Variants in PHF24 observed in about 807,000 individuals in gnomAD.
The protein encoded by PHF24 is PHD finger protein 24.
Under a neutral mutation model 42.6 loss-of-function variants are expected in PHF24, and 25 were observed. That is an observed-to-expected ratio of 0.59 (90% CI 0.43 to 0.82). PHF24 has a LOEUF of 0.82. Among genes scored for constraint, PHF24 ranks in the 40% least tolerant of loss-of-function variants. The pLI, the probability that PHF24 is intolerant of heterozygous loss-of-function variation, is 0.00. For synonymous variants in PHF24, 185 were observed against 204.8 expected (o/e 0.90, Z 0.83); for missense variants, 470 against 538.1 (o/e 0.87, Z 1.25).
chr9:34,706,742 A>G, the PHF24 span, among the ~76,000 whole-genome samples: 7 of 152,158 alleles, frequency 4.6e-5, no homozygotes, highest in African/African-American at 9.7e-5. Flanking sequence ...TCTTTTCACT[A>G]TAGAGTAGGC....
At chr9:34,866,002 C>A in the PHF24 span, among the ~76,000 whole-genome samples, 1 of 152,286 alleles carries the variant, frequency 6.6e-6, no homozygotes, top group South Asian at 2.1e-4. Context: ...GATGACACAC[C>A]TCAGTGTTGC....
the PHF24 span, among the ~76,000 whole-genome samples, chr9:34,919,844 G>T: frequency 6.6e-6 from 1 of 152,068 alleles, no homozygotes; most frequent in Non-Finnish European, 1.5e-5. Context: ...TTAACATAAT[G>T]TCCTCCAGTC....
the PHF24 span, among the ~76,000 whole-genome samples, chr9:34,750,491 AAAATAAATAAATAAAT>A: frequency 1.3e-3 from 179 of 142,216 alleles, 1 homozygote; most frequent in South Asian, 5.8e-3. Flanking sequence ...CTCTATCTCA[AAAATAAATAAATAAAT>A]AAATAAATAA....
the PHF24 span, among the ~76,000 whole-genome samples, chr9:34,740,246 C>T: frequency 6.6e-6 from 1 of 152,228 alleles, no homozygotes; most frequent in South Asian, 2.1e-4. Flanking sequence ...CACTCCTCAG[C>T]CCTTGGGTGG....
the PHF24 span, among the ~76,000 whole-genome samples, chr9:34,913,428 T>A: frequency 6.6e-6 from 1 of 152,176 alleles, no homozygotes; most frequent in Non-Finnish European, 1.5e-5. Context: ...CCTGGAAAAT[T>A]CAACTTAACT....
At chr9:34,905,729 T>C in the PHF24 span, among the ~76,000 whole-genome samples, 1 of 152,228 alleles carries the variant, frequency 6.6e-6, no homozygotes, top group African/African-American at 2.4e-5. Flanking sequence ...CATAAACTGC[T>C]GGTGTCTCTG....
the PHF24 span, among the ~76,000 whole-genome samples, chr9:34,915,401 G>T: frequency 6.8e-6 from 1 of 146,046 alleles, no homozygotes; most frequent in Non-Finnish European, 1.5e-5. Context: ...ATGTTGGCAG[G>T]TTGGCCTTTT....
chr9:34,829,883 CTGACTT>C, the PHF24 span, among the ~76,000 whole-genome samples: 1 of 152,164 alleles, frequency 6.6e-6, no homozygotes, highest in East Asian at 1.9e-4. Context: ...ATAACGTTCC[CTGACTT>C]TGGAAATCAG....
chr9:34,667,269 C>T, the PHF24 span, among the ~76,000 whole-genome samples: 2 of 152,154 alleles, frequency 1.3e-5, no homozygotes, highest in Non-Finnish European at 2.9e-5. Flanking sequence ...AAAGTTTCCT[C>T]TGGTTGAAAT....
At chr9:34,676,464 A>G in the PHF24 span, among the ~76,000 whole-genome samples, 1 of 152,162 alleles carries the variant, frequency 6.6e-6, no homozygotes, top group East Asian at 1.9e-4. Flanking sequence ...TTGAGGCTGA[A>G]GTGAGCCATG....
chr9:34,818,229 T>A, the PHF24 span, among the ~76,000 whole-genome samples: 1 of 152,190 alleles, frequency 6.6e-6, no homozygotes, highest in African/African-American at 2.4e-5. Context: ...AAAGGAGTGG[T>A]GAGAGTGGGC....
chr9:34,795,487 A>G, the PHF24 span, among the ~76,000 whole-genome samples: 1 of 152,172 alleles, frequency 6.6e-6, no homozygotes, highest in East Asian at 1.9e-4. Flanking sequence ...AAATGAAAAC[A>G]GAAGGAAACT....
the PHF24 span, among the ~76,000 whole-genome samples, chr9:34,788,849 A>C: frequency 0.58 from 88,822 of 151,986 alleles, 26,719 homozygotes; most frequent in Middle Eastern, 0.68. Flanking sequence ...CTGAAATGCT[A>C]CCTTAAGATG....
the PHF24 span, among the ~76,000 whole-genome samples, chr9:34,855,517 T>C: frequency 2.0e-4 from 30 of 152,224 alleles, no homozygotes; most frequent in African/African-American, 7.2e-4. Context: ...AGGATCTTAT[T>C]TCTCCTTTGC....
At chr9:34,976,327 G>A in intron 4 of PHF24, 97 bp downstream of exon 4, 2 of 1,140,082 alleles carry the variant, frequency 1.8e-6, no homozygotes, top group Non-Finnish European at 2.6e-6. Flanking sequence ...TCCATATTTA[G>A]TGGGTAGAGG....
At chr9:34,706,325 G>C in the PHF24 span, among the ~76,000 whole-genome samples, 2 of 152,182 alleles carry the variant, frequency 1.3e-5, no homozygotes, top group Non-Finnish European at 2.9e-5. Flanking sequence ...ACTTTTTATA[G>C]TAGGAAGTCA....
chr9:34,678,936 G>A, the PHF24 span, among the ~76,000 whole-genome samples: 1 of 152,014 alleles, frequency 6.6e-6, no homozygotes, highest in South Asian at 2.1e-4. Flanking sequence ...GGCCCCTTTA[G>A]ATATGTCTAT....
upstream of PHF24, among the ~76,000 whole-genome samples, chr9:34,952,687 T>C (rs1464787659): frequency 6.6e-6 from 1 of 152,186 alleles, no homozygotes; most frequent in Admixed American, 6.5e-5. Context: ...CACAGCAGAA[T>C]AGAGAGTCCA....
chr9:34,756,514 G>C, the PHF24 span, among the ~76,000 whole-genome samples: 1 of 152,140 alleles, frequency 6.6e-6, no homozygotes, highest in African/African-American at 2.4e-5. Context: ...TTGAAAATCA[G>C]TTGGCTGTAA....
Sources: gnomAD v4.1 joint callset for allele counts (sites outside exome capture counted in the v4.1 genomes callset) on GRCh38, gnomAD v4.1.1 for gene constraint, MANE v1.5 for transcripts, NCBI Gene and HGNC (gene_info 2026-07-23, HGNC 2026-07-21) for gene names.